ATP13A1: variants seen among roughly 807,000 people sequenced by gnomAD.
ATP13A1 encodes the protein ATPase 13A1.
A neutral mutation model predicts 134.8 loss-of-function variants in ATP13A1; 55 were observed. That is an observed-to-expected ratio of 0.41 (90% CI 0.33 to 0.51). The LOEUF is 0.51. Ranked by LOEUF, ATP13A1 falls within the 20% of genes least tolerant of loss-of-function variation. ATP13A1 has a pLI of 0.29. For missense variants in ATP13A1, 1,389 were observed against 1,652.8 expected (o/e 0.84, Z 2.77); for synonymous variants, 775 against 725.1 (o/e 1.07, Z -1.10).
chr19:19,651,328 G>A (rs960959189), intron 17 of ATP13A1: 4 of 171,380 alleles, frequency 2.3e-5, no homozygotes, highest in Non-Finnish European at 5.0e-5. Context: ...GGGAGCACTC[G>A]GTACATGGGC....
rs1417452709 is a variant in ATP13A1, at chr19:19,653,754, G to A, written c.2100+30C>T. On this transcript the variant is annotated intron_variant, in intron 15 of 25. Transcript: ENST00000357324. The surrounding 1 kb of genome is among the most constrained non-coding windows in gnomAD (Gnocchi z 4.2). ...GGAGGAGCTGACGGGCCAGGCACAT[G>A]GTGAAGGCAGGGGGAGCCTGGGCCC... is the stretch of plus-strand genomic sequence containing the variant. The A allele has an allele frequency of 6.6e-7, 1 of 1,517,708 alleles. No homozygotes were observed. Among genetic ancestry groups the A allele is most frequent in the African/African-American group, 1.4e-5 (1 of 72,426 alleles). The allele number at this position is 1,517,708 out of a possible 1,614,324, so 94.0% of individuals were successfully genotyped here.
chr19:19,646,335 G>A lies in ATP13A1; in HGVS notation c.3118C>T (p.Leu1040Phe), dbSNP rs1263235501. Reference sequence around the variant, plus strand: ...TTGGGCAGGGGCCGTTCTCGGGAGAGGGTCTTGAGGGGCTGCAGCAGCAAG... The same window carrying A: ...TTGGGCAGGGGCCGTTCTCGGGAGAAGGTCTTGAGGGGCTGCAGCAGCAAG... ...FISRSKPLKTLSRERPLPNIF... is the reference protein window; with the variant it reads ...FISRSKPLKTFSRERPLPNIF... Residue 1040 changes from leucine to phenylalanine, a missense_variant, in exon 23 of 26, where the codon CTC becomes TTC. By Grantham distance (22) the Leu-to-Phe change is conservative. Transcript: ENST00000357324. The A allele has an allele frequency of 1.2e-6, 2 of 1,613,818 alleles. No individual in the cohort carries two copies. The highest frequency in any genetic ancestry group is 3.3e-5 in the Admixed American group (2 of 60,014).
In ATP13A1 at chr19:19,655,379, G is replaced by A; in HGVS notation, c.1471C>T (p.Pro491Ser). ...AGGGACAGCTCGATGGGCAGCTCAG[G>A]AGGCACGACCGAGGTGAGGATCAGG... The part of the protein sequence containing the change: ...CTLILTSVVP[P>S]ELPIELSLAV... The change falls in exon 11 of 26, where the codon CCT becomes TCT. Residue 491 changes from proline (P) to serine (S), a missense_variant. Pro to Ser is a moderately conservative substitution (Grantham distance 74). Around this residue, in one of 4 missense-constraint regions of ATP13A1, gnomAD observed 747 missense variants for 956.1 expected, o/e 0.78. Transcript: ENST00000357324. The surrounding 1 kb of genome is among the most constrained non-coding windows in gnomAD (Gnocchi z 5.7). The A allele has an allele frequency of 2.5e-6, 4 of 1,614,006 alleles. No individual in the cohort carries two copies. The highest frequency in any genetic ancestry group is 3.4e-6 in the Non-Finnish European group (4 of 1,179,900).
In ATP13A1 at chr19:19,645,217, TG is replaced by T. The variant is rs1227980314; in HGVS notation, c.*204del. ...CAGGGCTTTTTAAAATCTCAGATGC[TG>T]CTTTATTTACCAAAGGTGCTGGCTT... On this transcript the variant is annotated 3_prime_UTR_variant, in exon 26 of 26. Coordinates refer to ENST00000357324, the MANE Select transcript of ATP13A1 (RefSeq NM_020410.3). This position sits in a 1 kb window ranked among gnomAD's most constrained non-coding sequence, Gnocchi z 4.1. The T allele has an allele frequency of 3.3e-6, 2 of 607,578 alleles. No individual in the cohort carries two copies. The highest frequency in any genetic ancestry group is 1.9e-5 in the African/African-American group (1 of 53,758). The allele number at this position is 607,578 out of a possible 1,614,324, so 37.6% of individuals were successfully genotyped here. A position where few individuals can be genotyped will look rare whatever the true frequency, so the allele number is the denominator to read the frequency against.
Position 19,654,835 on chromosome 19 carries a change from T to A in ATP13A1, c.1656-135A>T, listed in dbSNP as rs575633130. 79 of 1,092,358 alleles carry A rather than the reference T, an allele frequency of 7.2e-5. No homozygotes were observed. In the Admixed American group the frequency reaches 1.0e-3, roughly 14 times the overall value. 67.7% of individuals were successfully genotyped at this position (1,092,358 alleles called of 1,614,324 possible). On this transcript the variant is annotated intron_variant, in intron 12 of 25. Coordinates refer to ENST00000357324, the MANE Select transcript of ATP13A1 (RefSeq NM_020410.3). ...GTGGCTTGGGCGCCAACTGGGTCTTTATGAGACCTGCACCTGCTTCACAGA... is the reference window on the plus strand; with the variant it reads ...GTGGCTTGGGCGCCAACTGGGTCTTAATGAGACCTGCACCTGCTTCACAGA...
At position 19,656,391 on chromosome 19, in the gene ATP13A1, A is replaced by G. The variant is rs1487140016; in HGVS notation, c.1084-208T>C. ...ACAGTGCCTGCTCTCTGGGGCCTGC[A>G]CTTGGCCTCGTCTGGGACTCACCCC... On this transcript the variant is annotated intron_variant, in intron 7 of 25. Transcript: ENST00000357324. The surrounding 1 kb of genome is among the most constrained non-coding windows in gnomAD (Gnocchi z 4.6). Among the ~76,000 whole-genome samples the G allele has an allele frequency of 6.6e-6, 1 of 152,044 alleles. No homozygotes were observed. The highest frequency in any genetic ancestry group is 2.4e-5 in the African/African-American group (1 of 41,374).
chr19:19,662,681 G>T (rs562093595), intron 1 of ATP13A1, among the ~76,000 whole-genome samples: 1 of 152,170 alleles, frequency 6.6e-6, no homozygotes, highest in African/African-American at 2.4e-5. Flanking sequence ...TTTGCGGAAA[G>T]ACATCATGTA....
rs1317420776 is a variant in ATP13A1 at position 19,655,642 on chromosome 19, G to A, written c.1282C>T (p.Arg428Cys). 1.9e-6 allele frequency: 3 copies of A among 1,612,922 alleles called. No homozygotes were observed. The highest frequency in any genetic ancestry group is 2.2e-5 in the East Asian group (1 of 44,832). Residue 428 changes from arginine to cysteine, a missense_variant, in exon 10 of 26, where the codon CGC becomes TGC. Around this residue, in one of 4 missense-constraint regions of ATP13A1, gnomAD observed 747 missense variants for 956.1 expected, o/e 0.78. Coordinates refer to ENST00000357324, the MANE Select transcript of ATP13A1 (RefSeq NM_020410.3). This position sits in a 1 kb window ranked among gnomAD's most constrained non-coding sequence, Gnocchi z 5.7. Reference protein sequence around the residue: ...GFNTSQGKLLRTILFGVKRVT... With the variant: ...GFNTSQGKLLCTILFGVKRVT... ...CTCTTGACCCCGAAGAGGATGGTGC[G>A]CAGCAGCTTGCCCTGGAGGAATGGA...
In ATP13A1 at chr19:19,647,708, C is replaced by T. The variant is rs770808635; in HGVS notation, c.2684G>A (p.Arg895Gln). The change falls in exon 20 of 26, where the codon CGG (arginine) becomes CAG (glutamine). Residue 895 changes from arginine (R) to glutamine (Q), a missense_variant. By Grantham distance (43) the Arg-to-Gln change is conservative. Coordinates refer to ENST00000357324, the MANE Select transcript of ATP13A1 (RefSeq NM_020410.3). The surrounding 1 kb of genome is among the most constrained non-coding windows in gnomAD (Gnocchi z 4.8). The stretch of plus-strand genomic sequence containing the variant: ...GCTCAGGGTTGGGCTGTCCCGGGGC[C>T]GCCGTCGCCGCTCGACAACCCGCTC... ...APERVVERRR[R>Q]PRDSPTLSNS... 2.5e-5 allele frequency: 40 copies of T among 1,609,142 alleles called. No individual in the cohort carries two copies. Among genetic ancestry groups the T allele is most frequent in the Admixed American group, 2.3e-4 (14 of 59,754 alleles).
intron 17 of ATP13A1, chr19:19,651,312 C>T (rs759528164): frequency 3.1e-5 from 5 of 163,272 alleles, no homozygotes; most frequent in Admixed American, 1.3e-4. Context: ...TCCCTGTGCT[C>T]GGGAAGGGAG....
intron 19 of ATP13A1, among the ~76,000 whole-genome samples, chr19:19,648,371 G>A (rs2062000209): frequency 6.6e-6 from 1 of 152,062 alleles, no homozygotes; most frequent in Non-Finnish European, 1.5e-5. Flanking sequence ...TAGCCAAGGA[G>A]CATGATTCTA....
intron 13 of ATP13A1, 90 bp from the exon 14 acceptor site, chr19:19,654,234 T>A (rs2062042814): frequency 2.3e-6 from 3 of 1,328,336 alleles, no homozygotes; most frequent in Non-Finnish European, 3.1e-6. Context: ...CCCACCTCCC[T>A]CCTGCCTCCC....
At position 19,655,117 on chromosome 19, in the gene ATP13A1, A is replaced by G; in HGVS notation, c.1655+2T>C. On this transcript the variant is annotated splice_donor_variant, in intron 12 of 25. Coordinates refer to ENST00000357324, the MANE Select transcript of ATP13A1 (RefSeq NM_020410.3). LOFTEE classifies it high-confidence loss of function. This position sits in a 1 kb window ranked among gnomAD's most constrained non-coding sequence, Gnocchi z 5.7. ...CTTTGCTGCAGGGCCCCTGATGCTT[A>G]CCTCAGCCCGGCCACACCGCGCACC... 6.2e-7 allele frequency: 1 copy of G among 1,613,610 alleles called. No individual in the cohort carries two copies. The highest frequency in any genetic ancestry group is 1.1e-5 in the South Asian group (1 of 91,046).
intron 19 of ATP13A1, among the ~76,000 whole-genome samples, chr19:19,648,233 C>T (rs951212774): frequency 6.6e-6 from 1 of 151,902 alleles, no homozygotes; most frequent in Non-Finnish European, 1.5e-5. Context: ...GCAGGAGAAT[C>T]GCTTGAACCC....
At position 19,657,237 on chromosome 19, in the gene ATP13A1, G is replaced by C; in HGVS notation, c.751-88C>G. On this transcript the variant is annotated intron_variant, in intron 4 of 25. Coordinates refer to ENST00000357324, the MANE Select transcript of ATP13A1 (RefSeq NM_020410.3). The stretch of plus-strand genomic sequence containing the variant: ...CCACCGGATCTGATATGTGAGGGTG[G>C]GGAGAGGCTTCCAGGTTTAGAAGTG... 2.0e-6 allele frequency: 3 copies of C among 1,490,046 alleles called. No individual in the cohort carries two copies. In the African/African-American group the frequency reaches 4.2e-5, roughly 21 times the overall value. 92.3% of individuals were successfully genotyped at this position (1,490,046 alleles called of 1,614,324 possible). A position where few individuals can be genotyped will look rare whatever the true frequency, so the allele number is the denominator to read the frequency against.
chr19:19,649,954 C>T lies in ATP13A1; in HGVS notation c.2336-14G>A. 6.3e-7 allele frequency: 1 copy of T among 1,575,262 alleles called. No individual in the cohort carries two copies. The highest frequency in any genetic ancestry group is 8.6e-7 in the Non-Finnish European group (1 of 1,169,462). ...CGCACTGCCGGCCTGCGGGCAGCACCTAGGGTTAGGGCTGGGGGCTTGGCT... is the reference window on the plus strand; with the variant it reads ...CGCACTGCCGGCCTGCGGGCAGCACTTAGGGTTAGGGCTGGGGGCTTGGCT... On this transcript the variant is annotated splice_polypyrimidine_tract_variant and intron_variant, in intron 17 of 25. Coordinates refer to ENST00000357324, the MANE Select transcript of ATP13A1 (RefSeq NM_020410.3).
rs1252033922 is a variant in ATP13A1 at position 19,647,282 on chromosome 19, C to G, written c.2952G>C (p.Thr984=). The G allele has an allele frequency of 6.2e-7, 1 of 1,613,068 alleles. No homozygotes were observed. Among genetic ancestry groups the G allele is most frequent in the Non-Finnish European group, 8.5e-7 (1 of 1,179,730 alleles). ...GCGCCAGGATCTTGAACATCTGTAG[C>G]GTGGTCACCAGCGTGCAGCGGCCCT... ...IKQGRCTLVT[T]LQMFKILALN... is the part of the protein sequence containing the mutation. The change falls in exon 22 of 26, where the codon ACG becomes ACC. Residue 984 remains threonine (T), a synonymous_variant. Transcript: ENST00000357324. The surrounding 1 kb of genome is among the most constrained non-coding windows in gnomAD (Gnocchi z 4.8).
Position 19,659,656 on chromosome 19 carries a change from C to T in ATP13A1, c.622G>A (p.Gly208Ser), listed in dbSNP as rs1299040686. 4 of 1,613,902 alleles carry T rather than the reference C, an allele frequency of 2.5e-6. No homozygotes were observed. Among genetic ancestry groups the T allele is most frequent in the Non-Finnish European group, 1.7e-6 (2 of 1,179,860 alleles). The change falls in exon 3 of 26, where the codon GGC (glycine) becomes AGC (serine). Residue 208 changes from glycine to serine, a missense_variant. Coordinates refer to ENST00000357324, the MANE Select transcript of ATP13A1 (RefSeq NM_020410.3). ...CGGATCTCTGAGTCTTCCTGGAAGC[C>T]TCTGTTGCTCTGATAGTATGAGAAG... ...NAFSYYQSNR[G>S]FQEDSEIRAA... is the part of the protein sequence containing the mutation.
At chr19:19,663,249 G>A in intron 1 of ATP13A1, 22 bp downstream of exon 1, 1 of 1,565,526 alleles carries the variant, frequency 6.4e-7, no homozygotes, top group Non-Finnish European at 8.6e-7. Flanking sequence ...GCTGGGGGTC[G>A]GGCTCGCGTG....
Sources: allele counts gnomAD v4.1 joint callset (sites outside exome capture counted in the v4.1 genomes callset), GRCh38; gene constraint gnomAD v4.1.1; regional missense constraint gnomAD v4.1.1; non-coding constraint Gnocchi (gnomAD v3.1); transcripts MANE v1.5; gene names NCBI Gene and HGNC (gene_info 2026-07-23, HGNC 2026-07-21).